GPATCH8: variants seen among roughly 807,000 people sequenced by gnomAD.
GPATCH8 encodes G-patch domain containing 8.
Under a neutral mutation model 118.3 loss-of-function variants are expected in GPATCH8, and 18 were observed. That is an observed-to-expected ratio of 0.15 (90% CI 0.11 to 0.23). The LOEUF (loss-of-function observed/expected upper bound fraction) is 0.23. Among genes scored for constraint, GPATCH8 ranks in the 10% least tolerant of loss-of-function variants. The pLI is 1.00. For missense variants in GPATCH8, 1,631 were observed against 1,873.8 expected (o/e 0.87, Z 2.39); for synonymous variants, 659 against 684.7 (o/e 0.96, Z 0.59).
At chr17:44,444,423 G>C (rs1364000959) in intron 3 of GPATCH8, among the ~76,000 whole-genome samples, 1 of 151,772 alleles carries the variant, frequency 6.6e-6, no homozygotes, top group East Asian at 1.9e-4. Flanking sequence ...GGGTAAAATA[G>C]TCTAAAACAT....
intron 3 of GPATCH8, among the ~76,000 whole-genome samples, chr17:44,449,678 G>A (rs1003974581): frequency 2.5e-4 from 38 of 151,960 alleles, no homozygotes; most frequent in African/African-American, 8.2e-4. Flanking sequence ...CACAACGCCC[G>A]GCTAATTTTG....
chr17:44,479,945 G>A (rs536814010), intron 1 of GPATCH8, among the ~76,000 whole-genome samples: 14 of 147,326 alleles, frequency 9.5e-5, no homozygotes, highest in South Asian at 4.4e-4. Flanking sequence ...CCAGCTTGGC[G>A]ACAGAGCAAG....
chr17:44,399,864 C>T lies in GPATCH8; in HGVS notation c.2213G>A (p.Ser738Asn), dbSNP rs781547870. ...ERGPKPEPPG[S>N]GSPAPPRRRR... ...TCTTCTTGGTGGTGCGGGACTGCCACTCCCAGGGGGTTCTGGTTTGGGTCC... is the reference window on the plus strand; with the variant it reads ...TCTTCTTGGTGGTGCGGGACTGCCATTCCCAGGGGGTTCTGGTTTGGGTCC... The change falls in exon 8 of 8, where the codon AGT (serine) becomes AAT (asparagine). Residue 738 changes from serine to asparagine, a missense_variant. Ser to Asn is a conservative substitution (Grantham distance 46). This residue lies in a region of GPATCH8 where 922 missense variants were observed against 879.7 expected (regional missense o/e 1.05). Coordinates refer to ENST00000591680, the MANE Select transcript of GPATCH8 (RefSeq NM_001002909.4). The T allele has an allele frequency of 4.3e-6, 7 of 1,613,896 alleles. No homozygotes were observed. In the East Asian group the frequency reaches 8.9e-5, roughly 21 times the overall value.
At chr17:44,462,854 G>A (rs1358257609) in intron 3 of GPATCH8, among the ~76,000 whole-genome samples, 3 of 151,978 alleles carry the variant, frequency 2.0e-5, no homozygotes, top group African/African-American at 7.3e-5. Flanking sequence ...GGTGGCAGGC[G>A]CCTGTAGTCC....
At chr17:44,453,411 TTTG>T (rs1018883147) in intron 3 of GPATCH8, among the ~76,000 whole-genome samples, 1 of 152,088 alleles carries the variant, frequency 6.6e-6, no homozygotes, top group Non-Finnish European at 1.5e-5. Flanking sequence ...AAATGAGATA[TTTG>T]TTAAGTGCTT....
intron 5 of GPATCH8, among the ~76,000 whole-genome samples, chr17:44,432,454 C>T (rs530889219): frequency 1.8e-4 from 28 of 152,170 alleles, no homozygotes; most frequent in Admixed American, 6.5e-4. Context: ...CTAAGAGGGA[C>T]ATGACACATG....
chr17:44,457,122 C>T (rs972374640), intron 3 of GPATCH8, among the ~76,000 whole-genome samples: 8 of 152,090 alleles, frequency 5.3e-5, no homozygotes, highest in Admixed American at 3.9e-4. Flanking sequence ...CTCGGCCTCC[C>T]AAAGTGCTGG....
intron 3 of GPATCH8, among the ~76,000 whole-genome samples, chr17:44,459,852 C>A (rs540451613): frequency 6.6e-6 from 1 of 152,072 alleles, no homozygotes; most frequent in African/African-American, 2.4e-5. Context: ...AGTGTTAGGT[C>A]AGTAAATATG....
intron 3 of GPATCH8, among the ~76,000 whole-genome samples, chr17:44,446,337 C>T (rs571380770): frequency 8.5e-5 from 13 of 152,164 alleles, no homozygotes; most frequent in Admixed American, 2.6e-4. Flanking sequence ...GAGGCCGAGG[C>T]GGGCAGATCA....
intron 3 of GPATCH8, among the ~76,000 whole-genome samples, chr17:44,440,876 C>G (rs959986931): frequency 6.6e-6 from 1 of 151,788 alleles, no homozygotes; most frequent in Non-Finnish European, 1.5e-5. Context: ...TTTGAGATGG[C>G]GTCTCACTCC....
intron 1 of GPATCH8, among the ~76,000 whole-genome samples, chr17:44,488,984 G>C (rs568296610): frequency 6.6e-6 from 1 of 151,440 alleles, no homozygotes; most frequent in South Asian, 2.1e-4. Context: ...GCTTGAACCC[G>C]GGAGGCAGAG....
chr17:44,470,065 G>T (rs894288231), intron 2 of GPATCH8, among the ~76,000 whole-genome samples: 17 of 152,180 alleles, frequency 1.1e-4, no homozygotes, highest in Non-Finnish European at 2.4e-4. Flanking sequence ...CATAAAGAAA[G>T]AATTTTAATC....
intron 7 of GPATCH8, among the ~76,000 whole-genome samples, chr17:44,404,481 TGTAATA>T (rs1280652826): frequency 2.0e-5 from 3 of 152,090 alleles, no homozygotes; most frequent in Non-Finnish European, 4.4e-5. Context: ...TGGGAATCAT[TGTAATA>T]GTGTCATAAT....
chr17:44,467,061 G>A, intron 2 of GPATCH8: 1 of 1,103,058 alleles, frequency 9.1e-7, no homozygotes, highest in South Asian at 1.3e-5. Flanking sequence ...ATTTCCAAAA[G>A]CAGTGCAAGT....
chr17:44,502,984 C>A (rs1463627361), intron 1 of GPATCH8, among the ~76,000 whole-genome samples: 1 of 152,252 alleles, frequency 6.6e-6, no homozygotes, highest in Non-Finnish European at 1.5e-5. Flanking sequence ...CCAACCACCC[C>A]TCTTGTCCCC....
rs1034508257 is a variant in GPATCH8 at position 44,488,455 on chromosome 17, G to A, written c.46-13552C>T. Among the ~76,000 whole-genome samples, 84 of 151,270 alleles carry A rather than the reference G, an allele frequency of 5.6e-4. 1 individual carries two copies. Among genetic ancestry groups the A allele is most frequent in the Non-Finnish European group, 1.3e-4 (9 of 67,826 alleles). On this transcript the variant is annotated intron_variant, in intron 1 of 7. Transcript: ENST00000591680. The stretch of plus-strand genomic sequence containing the variant: ...ATGATCTCGGCTCACTGCAACCTTC[G>A]CCCCCTGGGTTCAAGCAATTCTCCT...
intron 2 of GPATCH8, among the ~76,000 whole-genome samples, chr17:44,466,211 T>A (rs1253586301): frequency 6.6e-6 from 1 of 152,058 alleles, no homozygotes; most frequent in African/African-American, 2.4e-5. Context: ...TTTCACTATG[T>A]TGCCCACGAT....
At chr17:44,503,298 C>T in intron 1 of GPATCH8, 28 bp downstream of exon 1, 1 of 1,596,588 alleles carries the variant, frequency 6.3e-7, no homozygotes, top group Non-Finnish European at 8.5e-7. Flanking sequence ...AGCGCCTTCC[C>T]CGCATCCTCG....
intron 1 of GPATCH8, among the ~76,000 whole-genome samples, chr17:44,501,921 T>C (rs1970095331): frequency 6.6e-6 from 1 of 151,882 alleles, no homozygotes; most frequent in African/African-American, 2.4e-5. Flanking sequence ...TGCTTGCTAA[T>C]ATATATATAT....
Sources: gnomAD v4.1 joint callset for allele counts (sites outside exome capture counted in the v4.1 genomes callset) on GRCh38, gnomAD v4.1.1 for gene constraint, gnomAD v4.1.1 regional missense constraint, MANE v1.5 for transcripts, NCBI Gene and HGNC (gene_info 2026-07-23, HGNC 2026-07-21) for gene names.